The following GRM8 variants were observed in gnomAD, a reference collection of about 807,000 sequenced individuals.
GRM8 encodes the protein glutamate metabotropic receptor 8.
A neutral mutation model predicts 87.2 loss-of-function variants in GRM8; 47 were observed. The observed-to-expected ratio is 0.54, with a 90% CI of 0.43 to 0.69. GRM8 has a LOEUF of 0.69. Ranked by LOEUF, GRM8 falls within the 30% of genes least tolerant of loss-of-function variation. The probability of loss-of-function intolerance (pLI) is 0.00; values close to 1 mark genes in which losing one functional copy is unlikely to be tolerated. For synonymous variants in GRM8, 396 were observed against 404.5 expected, an observed-to-expected ratio of 0.98 and a Z score of 0.25; for missense variants, 1,019 against 1,139.2, an observed-to-expected ratio of 0.89 and a Z score of 1.52.
intron 6 of GRM8, among the ~76,000 whole-genome samples, chr7:126,774,460 T>C (rs900209638): frequency 2.0e-5 from 3 of 152,172 alleles, no homozygotes; most frequent in Non-Finnish European, 4.4e-5. Context: ...ATATCACCGA[T>C]TGTAAAGTTG....
chr7:126,953,558 T>A (rs147456856), intron 3 of GRM8, among the ~76,000 whole-genome samples: 174 of 152,288 alleles, frequency 1.1e-3, no homozygotes, highest in African/African-American at 4.0e-3. Flanking sequence ...TGCATTTATT[T>A]GCTTTCACTT....
intron 6 of GRM8, among the ~76,000 whole-genome samples, chr7:126,877,365 C>T (rs190470834): frequency 1.3e-5 from 2 of 152,260 alleles, no homozygotes; most frequent in African/African-American, 2.4e-5. Context: ...AGCTGGCACT[C>T]GTCAGATGTG....
intron 6 of GRM8, among the ~76,000 whole-genome samples, chr7:126,879,132 C>T (rs1184041060): frequency 7.1e-6 from 1 of 140,468 alleles, no homozygotes; most frequent in Non-Finnish European, 1.5e-5. Flanking sequence ...CATTGCACTC[C>T]AGCCTGGGCC....
chr7:126,668,399 G>A (rs1033388462), intron 7 of GRM8, among the ~76,000 whole-genome samples: 2 of 152,100 alleles, frequency 1.3e-5, no homozygotes, highest in Non-Finnish European at 2.9e-5. Context: ...TTCCTTCTAA[G>A]CCTTTACATC....
chr7:126,925,786 T>C (rs2131393284), intron 3 of GRM8, among the ~76,000 whole-genome samples: 1 of 152,350 alleles, frequency 6.6e-6, no homozygotes, highest in South Asian at 2.1e-4. Flanking sequence ...AATCATTTTC[T>C]TAGCTACCTA....
intron 3 of GRM8, among the ~76,000 whole-genome samples, chr7:126,968,565 C>A (rs1489257967): frequency 6.6e-6 from 1 of 152,020 alleles, no homozygotes; most frequent in Non-Finnish European, 1.5e-5. Context: ...GAAGTCAGAA[C>A]CACGGAATTA....
At chr7:126,672,577 T>G (rs965064237) in intron 7 of GRM8, among the ~76,000 whole-genome samples, 2 of 152,166 alleles carry the variant, frequency 1.3e-5, no homozygotes, top group African/African-American at 4.8e-5. Flanking sequence ...AAAAGTTAAT[T>G]TTCCAAACCT....
intron 2 of GRM8, among the ~76,000 whole-genome samples, chr7:127,168,907 T>A (rs1239429256): frequency 2.6e-5 from 4 of 151,692 alleles, no homozygotes; most frequent in Non-Finnish European, 5.9e-5. Flanking sequence ...ATACCTAATG[T>A]AGATGACGGG....
chr7:126,692,192 G>A (rs1205127609), intron 7 of GRM8, among the ~76,000 whole-genome samples: 2 of 152,198 alleles, frequency 1.3e-5, no homozygotes, highest in African/African-American at 4.8e-5. Flanking sequence ...GTGGGCTAAC[G>A]AACTTTCTCC....
At chr7:126,643,334 A>G (rs1324563711) in intron 7 of GRM8, among the ~76,000 whole-genome samples, 2 of 49,720 alleles carry the variant, frequency 4.0e-5, no homozygotes, top group Non-Finnish European at 9.1e-5. Flanking sequence ...ATATATATAT[A>G]TATATATATA....
rs140738305 is a variant in GRM8, at chr7:127,220,660, A to G, written c.510+22035T>C. Among the ~76,000 whole-genome samples the G allele has an allele frequency of 6.6e-5, 10 of 152,172 alleles. 1 individual carries two copies. The East Asian group carries it at 1.4e-3, about 21-fold the overall frequency. The stretch of plus-strand genomic sequence containing the variant: ...CCACCATGTCCAGCTAATTTTAAAA[A>G]AAAAAAATTGTAGAAACAATGTCTC... On this transcript the variant is annotated intron_variant, in intron 2 of 10. Transcript: ENST00000339582.
At chr7:126,713,681 A>G (rs75419621) in intron 7 of GRM8, among the ~76,000 whole-genome samples, 4,220 of 152,008 alleles carry the variant, frequency 0.028, 215 homozygotes, top group African/African-American at 0.096. Flanking sequence ...CAGATAATAC[A>G]GTGGCATTCT....
At chr7:126,769,534 T>C (rs2151604504) in intron 7 of GRM8, among the ~76,000 whole-genome samples, 1 of 152,244 alleles carries the variant, frequency 6.6e-6, no homozygotes, top group Middle Eastern at 3.4e-3. Flanking sequence ...TCTCTAATAA[T>C]GACATGAACA....
intron 9 of GRM8, among the ~76,000 whole-genome samples, chr7:126,514,199 A>T (rs1811842276): frequency 6.6e-6 from 1 of 152,120 alleles, no homozygotes; most frequent in Non-Finnish European, 1.5e-5. Context: ...GTTGTGGTCC[A>T]TCTGTTTTTG....
intron 9 of GRM8, among the ~76,000 whole-genome samples, chr7:126,497,606 G>C (rs923938520): frequency 2.6e-4 from 40 of 152,012 alleles, no homozygotes; most frequent in African/African-American, 9.4e-4. Context: ...CCCCATTTCT[G>C]TCATTATAAC....
At chr7:126,780,947 TG>T (rs1356958564) in intron 6 of GRM8, among the ~76,000 whole-genome samples, 3 of 152,144 alleles carry the variant, frequency 2.0e-5, no homozygotes, top group African/African-American at 7.2e-5. Flanking sequence ...TACGGTGTCA[TG>T]GGCTAAGGTG....
chr7:127,174,301 T>G (rs1222895809), intron 2 of GRM8, among the ~76,000 whole-genome samples: 1 of 152,104 alleles, frequency 6.6e-6, no homozygotes, highest in Non-Finnish European at 1.5e-5. Flanking sequence ...GTAGGAAAAG[T>G]AGAGGCAAGA....
chr7:126,631,716 G>C (rs1462946157), intron 7 of GRM8, among the ~76,000 whole-genome samples: 1 of 152,088 alleles, frequency 6.6e-6, no homozygotes, highest in Non-Finnish European at 1.5e-5. Flanking sequence ...TAGAGACTCA[G>C]AAATAAAACC....
At chr7:127,038,051 C>A (rs143545050) in intron 3 of GRM8, among the ~76,000 whole-genome samples, 119 of 152,204 alleles carry the variant, frequency 7.8e-4, no homozygotes, top group Non-Finnish European at 1.5e-3. Context: ...TACATATCTA[C>A]CACTAATTTT....
Sources: gnomAD v4.1 joint callset for allele counts (sites outside exome capture counted in the v4.1 genomes callset) on GRCh38, gnomAD v4.1.1 for gene constraint, MANE v1.5 for transcripts, NCBI Gene and HGNC (gene_info 2026-07-23, HGNC 2026-07-21) for gene names.